Variants in RALYL observed in about 807,000 individuals in gnomAD.
RALYL encodes RALY RNA binding protein like.
Under a neutral mutation model 35.1 loss-of-function variants are expected in RALYL, and 29 were observed. That is an observed-to-expected ratio of 0.83 (90% CI 0.61 to 1.13). RALYL has a LOEUF of 1.13. RALYL is among the 50% of genes most tolerant of loss of function. The probability of loss-of-function intolerance (pLI) is 0.00; values close to 1 mark genes in which losing one functional copy is unlikely to be tolerated. For synonymous variants in RALYL, 120 were observed against 127.6 expected (o/e 0.94, Z 0.40); for missense variants, 359 against 360.4 (o/e 1.00, Z 0.03).
At chr8:84,487,078 CTT>C (rs886769237) in intron 1 of RALYL, among the ~76,000 whole-genome samples, 8 of 151,970 alleles carry the variant, frequency 5.3e-5, no homozygotes, top group African/African-American at 1.9e-4. Context: ...TGAATTTACT[CTT>C]GATTGATTAT....
intron 1 of RALYL, among the ~76,000 whole-genome samples, chr8:84,253,350 A>G (rs968195046): frequency 6.7e-6 from 1 of 148,924 alleles, no homozygotes; most frequent in African/African-American, 2.5e-5. Context: ...CCACCACGCC[A>G]GGCTAATTTT....
chr8:84,322,647 CT>C (rs1367306085), intron 1 of RALYL, among the ~76,000 whole-genome samples: 1 of 152,044 alleles, frequency 6.6e-6, no homozygotes, highest in Non-Finnish European at 1.5e-5. Flanking sequence ...GTCAAGGTAC[CT>C]TTTGTGAAGC....
chr8:84,282,177 T>C (rs190437099), intron 1 of RALYL, among the ~76,000 whole-genome samples: 11 of 151,754 alleles, frequency 7.2e-5, no homozygotes, highest in African/African-American at 2.6e-4. Flanking sequence ...AGTGACTTCC[T>C]TCTTTTATTC....
intron 8 of RALYL, among the ~76,000 whole-genome samples, chr8:84,907,310 TCACACACACACACACACACA>T (rs71273918): frequency 1.4e-5 from 2 of 148,042 alleles, no homozygotes; most frequent in African/African-American, 2.5e-5. Context: ...AGATATAGCG[TCACACACACACACACACACA>T]CACACACACA....
At chr8:84,309,870 C>T (rs993546700) in intron 1 of RALYL, among the ~76,000 whole-genome samples, 1 of 151,740 alleles carries the variant, frequency 6.6e-6, no homozygotes, top group African/African-American at 2.4e-5. Flanking sequence ...TCACTGCAAC[C>T]CCCGCCACCA....
At chr8:84,389,107 C>T (rs2131739730) in intron 1 of RALYL, among the ~76,000 whole-genome samples, 1 of 152,224 alleles carries the variant, frequency 6.6e-6, no homozygotes, top group Non-Finnish European at 1.5e-5. Context: ...GGAATCCTTT[C>T]CCCATTGCTT....
chr8:84,192,917 G>GA (rs1198582013), intron 1 of RALYL, among the ~76,000 whole-genome samples: 6 of 134,302 alleles, frequency 4.5e-5, no homozygotes, highest in African/African-American at 1.8e-4. Context: ...GGGGGGGGGG[G>GA]TTGTGTACGT....
chr8:84,668,732 G>T (rs190961170), intron 2 of RALYL, among the ~76,000 whole-genome samples: 1 of 152,234 alleles, frequency 6.6e-6, no homozygotes, highest in East Asian at 1.9e-4. Flanking sequence ...TTGTTATGAT[G>T]ACTGTTATTA....
intron 1 of RALYL, among the ~76,000 whole-genome samples, chr8:84,438,062 G>A (rs1361618109): frequency 6.6e-6 from 1 of 152,126 alleles, no homozygotes; most frequent in Admixed American, 6.6e-5. Context: ...GTCTTCTCTT[G>A]ACAAGTATCT....
At chr8:84,362,699 A>G (rs777050936) in intron 1 of RALYL, among the ~76,000 whole-genome samples, 1 of 152,150 alleles carries the variant, frequency 6.6e-6, no homozygotes, top group Non-Finnish European at 1.5e-5. Flanking sequence ...CCCCTAGTCC[A>G]TAGAAAAATT....
chr8:84,650,464 TG>T lies in RALYL; in HGVS notation c.256+120888del, dbSNP rs546738868. ...GACATTTATGCAGCCAAAAAACACATGAAAAAATGCTCACCATCACTGGCCA... is the reference window on the plus strand; with the variant it reads ...GACATTTATGCAGCCAAAAAACACATAAAAAATGCTCACCATCACTGGCCA... On this transcript the variant is annotated intron_variant, in intron 2 of 8. Transcript: ENST00000521268. Among the ~76,000 whole-genome samples, 379 of 152,082 alleles carry T rather than the reference TG, an allele frequency of 2.5e-3. 3 individuals carry two copies. Among genetic ancestry groups the T allele is most frequent in the Middle Eastern group, 6.8e-3 (2 of 294 alleles).
intron 2 of RALYL, among the ~76,000 whole-genome samples, chr8:84,733,359 GT>G (rs1412738166): frequency 6.6e-6 from 1 of 152,046 alleles, no homozygotes; most frequent in Non-Finnish European, 1.5e-5. Flanking sequence ...ATGCTACCAA[GT>G]TAAAAAATAA....
At chr8:84,636,973 T>C (rs930032447) in intron 2 of RALYL, among the ~76,000 whole-genome samples, 3 of 151,908 alleles carry the variant, frequency 2.0e-5, no homozygotes, top group African/African-American at 7.2e-5. Flanking sequence ...CTGTGGCTGG[T>C]CTTCACCTAT....
chr8:84,679,582 C>A (rs771655744), intron 2 of RALYL: 2 of 440,422 alleles, frequency 4.5e-6, no homozygotes, highest in Non-Finnish European at 9.1e-6. Flanking sequence ...GAACAAGAAA[C>A]GCCTGCCTTA....
intron 1 of RALYL, among the ~76,000 whole-genome samples, chr8:84,361,412 A>G (rs1374712378): frequency 2.0e-5 from 3 of 152,154 alleles, no homozygotes; most frequent in Non-Finnish European, 4.4e-5. Context: ...AAATGCACTC[A>G]CTGGAGAGGC....
chr8:84,367,318 A>ATTTGTTTTTGTTTTTGTTTTT (rs756622990), intron 1 of RALYL, among the ~76,000 whole-genome samples: 1 of 27,408 alleles, frequency 3.6e-5, no homozygotes, highest in Non-Finnish European at 9.9e-5. Flanking sequence ...TAATTTTTGT[A>ATTTGTTTTTGTTTTTGTTTTT]TTTTTTTTTT....
At position 84,454,266 on chromosome 8, in the gene RALYL, G is replaced by A. The variant is rs575873286; in HGVS notation, c.-23-75033G>A. Among the ~76,000 whole-genome samples the A allele has an allele frequency of 3.3e-5, 5 of 151,958 alleles. No homozygotes were observed. In the East Asian group the frequency reaches 9.8e-4, roughly 30 times the overall value. On this transcript the variant is annotated intron_variant, in intron 1 of 8. Transcript: ENST00000521268. ...TGTAAGATGGGGGAAGTGGTGACTAGCATCAGGTAGAAAAATACTTAGATT... is the reference window on the plus strand; with the variant it reads ...TGTAAGATGGGGGAAGTGGTGACTAACATCAGGTAGAAAAATACTTAGATT...
chr8:84,815,953 G>C (rs1477187581), intron 4 of RALYL, among the ~76,000 whole-genome samples: 4 of 145,256 alleles, frequency 2.8e-5, no homozygotes, highest in African/African-American at 7.6e-5. Flanking sequence ...AGAATCATCT[G>C]AACCGGGGAG....
intron 3 of RALYL, among the ~76,000 whole-genome samples, chr8:84,787,170 C>T (rs751319493): frequency 6.6e-6 from 1 of 151,906 alleles, no homozygotes; most frequent in South Asian, 2.1e-4. Flanking sequence ...GCCCCCCACC[C>T]CCAAACAGAC....
Sources: gnomAD v4.1 joint callset for allele counts (sites outside exome capture counted in the v4.1 genomes callset) on GRCh38, gnomAD v4.1.1 for gene constraint, MANE v1.5 for transcripts, NCBI Gene and HGNC (gene_info 2026-07-23, HGNC 2026-07-21) for gene names.